TRIM71: variants seen among roughly 807,000 people sequenced by gnomAD.
TRIM71 encodes the protein E3 ubiquitin-protein ligase TRIM71.
TRIM71 carries 9 observed loss-of-function variants against 61.2 expected under a neutral mutation model. The ratio of observed to expected loss-of-function variants is 0.15; its 90% CI spans 0.09 to 0.26. The LOEUF (loss-of-function observed/expected upper bound fraction) is 0.26, where lower values mean the gene tolerates loss of function less well. TRIM71 is among the 10% of genes least tolerant of loss of function. The probability of loss-of-function intolerance (pLI) is 1.00; values close to 1 mark genes in which losing one functional copy is unlikely to be tolerated. For missense variants in TRIM71, 998 were observed against 1,238.7 expected (o/e 0.81, Z 2.92); for synonymous variants, 645 against 553.2 (o/e 1.17, Z -2.33).
intron 1 of TRIM71, among the ~76,000 whole-genome samples, chr3:32,825,529 C>A (rs1575340070): frequency 6.6e-6 from 1 of 152,244 alleles, no homozygotes; most frequent in African/African-American, 2.4e-5. Flanking sequence ...AGGACCATTT[C>A]AGTGTCATTT....
At position 32,890,120 on chromosome 3, in the gene TRIM71, A is replaced by T. The variant is rs1395318939; in HGVS notation, c.1156-240A>T. Among the ~76,000 whole-genome samples the T allele has an allele frequency of 6.6e-6, 1 of 152,174 alleles. No individual in the cohort carries two copies. Among genetic ancestry groups the T allele is most frequent in the Non-Finnish European group, 1.5e-5 (1 of 68,040 alleles). On this transcript the variant is annotated intron_variant, in intron 3 of 3. Transcript: ENST00000383763. This position sits in a 1 kb window ranked among gnomAD's most constrained non-coding sequence, Gnocchi z 6.2. ...TAGCCACTCCCTCCAGTCCAGAGTC[A>T]CTAATTACATATAGTTGTCCTGTTT... is the stretch of plus-strand genomic sequence containing the variant.
chr3:32,824,186 T>C (rs780218560), intron 1 of TRIM71, among the ~76,000 whole-genome samples: 1 of 152,130 alleles, frequency 6.6e-6, no homozygotes, highest in Non-Finnish European at 1.5e-5. Flanking sequence ...AGTCCTTTTG[T>C]TTTTTTCTGA....
chr3:32,882,802 A>T (rs937799114), intron 2 of TRIM71, among the ~76,000 whole-genome samples: 1 of 152,104 alleles, frequency 6.6e-6, no homozygotes, highest in African/African-American at 2.4e-5. Context: ...TCTGCCTCCC[A>T]GAGTGCTGGG....
In TRIM71 at chr3:32,891,796, A is replaced by T. The variant is rs776391370; in HGVS notation, c.2592A>T (p.Arg864=). The change falls in exon 4 of 4, where the codon CGA becomes CGT. Residue 864 remains arginine, a synonymous_variant. Coordinates refer to ENST00000383763, the MANE Select transcript of TRIM71 (RefSeq NM_001039111.3). This position sits in a 1 kb window ranked among gnomAD's most constrained non-coding sequence, Gnocchi z 8.2. ...TTGTGGTGGACTTTGGCAACAATCG[A>T]ATCCTCGTCTTCTAATTGCATTTCC... ...MIVVVDFGNN[R]ILVF 6.2e-7 allele frequency: 1 copy of T among 1,613,600 alleles called. No homozygotes were observed. Among genetic ancestry groups the T allele is most frequent in the Admixed American group, 1.7e-5 (1 of 59,998 alleles).
chr3:32,868,754 A>G (rs188684095), intron 1 of TRIM71, among the ~76,000 whole-genome samples: 1 of 150,430 alleles, frequency 6.6e-6, no homozygotes, highest in African/African-American at 2.5e-5. Flanking sequence ...CTTGTTACCT[A>G]GCCAAATAAA....
At chr3:32,888,440 A>C (rs1173892682) in intron 3 of TRIM71, among the ~76,000 whole-genome samples, 1 of 982 alleles carries the variant, frequency 1.0e-3, no homozygotes, top group African/African-American at 1.6e-3. Context: ...CTACCAAAAA[A>C]AAAAAAAAAA....
chr3:32,824,658 A>G (rs1435586836), intron 1 of TRIM71, among the ~76,000 whole-genome samples: 1 of 151,934 alleles, frequency 6.6e-6, no homozygotes, highest in Non-Finnish European at 1.5e-5. Context: ...TAATTTTTGT[A>G]ATTTTTGTGG....
intron 1 of TRIM71, among the ~76,000 whole-genome samples, chr3:32,865,021 C>T (rs1429089386): frequency 6.6e-6 from 1 of 152,052 alleles, no homozygotes; most frequent in Non-Finnish European, 1.5e-5. Context: ...GAGGATTGCT[C>T]CTGCCCTGTA....
At chr3:32,839,985 A>G (rs2125678741) in intron 1 of TRIM71, among the ~76,000 whole-genome samples, 1 of 152,368 alleles carries the variant, frequency 6.6e-6, no homozygotes, top group East Asian at 1.9e-4. Context: ...TAATGTTTAC[A>G]GAGTTAATTC....
rs765871281 is a variant in TRIM71, at chr3:32,891,433, C to T, written c.2229C>T (p.Leu743=). Residue 743 remains leucine (L), a synonymous_variant, in exon 4 of 4, where the codon CTC becomes CTT. Coordinates refer to ENST00000383763, the MANE Select transcript of TRIM71 (RefSeq NM_001039111.3). The surrounding 1 kb of genome is among the most constrained non-coding windows in gnomAD (Gnocchi z 8.2). ...FLNKYGFEGA[L]WKHFDSPRGV... ...ACAAGTATGGCTTCGAGGGGGCTCT[C>T]TGGAAGCACTTTGACTCCCCACGGG... is the stretch of plus-strand genomic sequence containing the variant. 1.9e-6 allele frequency: 3 copies of T among 1,614,008 alleles called. No individual in the cohort carries two copies. In the South Asian group the frequency reaches 3.3e-5, roughly 18 times the overall value.
At chr3:32,847,427 T>A (rs1696488276) in intron 1 of TRIM71, among the ~76,000 whole-genome samples, 1 of 152,094 alleles carries the variant, frequency 6.6e-6, no homozygotes, top group African/African-American at 2.4e-5. Context: ...ACTCCCGACT[T>A]CAGGTGATCC....
intron 1 of TRIM71, among the ~76,000 whole-genome samples, chr3:32,852,232 C>CGCCG (rs370464847): frequency 1.3e-4 from 20 of 152,018 alleles, no homozygotes; most frequent in African/African-American, 4.8e-4. Context: ...TAAACTGGAG[C>CGCCG]GCCGGAGGCA....
Position 32,859,411 on chromosome 3 carries a change from C to G in TRIM71, c.853-14407C>G, listed in dbSNP as rs551901991. ...AGAAGCTGGGATTACAGGCACACAT[C>G]AACATGCCTGGCTAATTGTGTTTTT... On this transcript the variant is annotated intron_variant, in intron 1 of 3. Coordinates refer to ENST00000383763, the MANE Select transcript of TRIM71 (RefSeq NM_001039111.3). Among the ~76,000 whole-genome samples, 28 of 152,178 alleles carry G rather than the reference C, an allele frequency of 1.8e-4. 1 individual carries two copies. The East Asian group carries it at 5.0e-3, about 27-fold the overall frequency.
At chr3:32,843,663 T>C (rs1696436712) in intron 1 of TRIM71, among the ~76,000 whole-genome samples, 1 of 152,202 alleles carries the variant, frequency 6.6e-6, no homozygotes, top group Admixed American at 6.5e-5. Flanking sequence ...GAAGCAGGCT[T>C]AATGCCCGCC....
chr3:32,867,804 T>C (rs1428469294), intron 1 of TRIM71, among the ~76,000 whole-genome samples: 5 of 152,210 alleles, frequency 3.3e-5, no homozygotes, highest in Non-Finnish European at 7.3e-5. Flanking sequence ...CACATCAGTT[T>C]TGCTGCCAAA....
At chr3:32,867,943 A>G (rs1332309871) in intron 1 of TRIM71, among the ~76,000 whole-genome samples, 1 of 151,386 alleles carries the variant, frequency 6.6e-6, no homozygotes, top group Non-Finnish European at 1.5e-5. Context: ...AATTCCTAAC[A>G]CCCCTTTTTT....
At chr3:32,839,118 C>A (rs1426969568) in intron 1 of TRIM71, among the ~76,000 whole-genome samples, 1 of 152,118 alleles carries the variant, frequency 6.6e-6, no homozygotes, top group East Asian at 1.9e-4. Context: ...TCTAAACTTA[C>A]AAGGACATTT....
chr3:32,829,995 T>C (rs1209787819), intron 1 of TRIM71, among the ~76,000 whole-genome samples: 1 of 150,278 alleles, frequency 6.7e-6, no homozygotes, highest in Non-Finnish European at 1.5e-5. Context: ...GTTGGCATTA[T>C]CTTGGCTCAC....
At chr3:32,846,072 CTTTTT>C (rs35520432) in intron 1 of TRIM71, among the ~76,000 whole-genome samples, 19 of 92,726 alleles carry the variant, frequency 2.0e-4, no homozygotes, top group South Asian at 7.5e-4. Flanking sequence ...TGGTAAGCCA[CTTTTT>C]TTTTTTTTTT....
Sources: allele counts gnomAD v4.1 joint callset (sites outside exome capture counted in the v4.1 genomes callset), GRCh38; gene constraint gnomAD v4.1.1; non-coding constraint Gnocchi (gnomAD v3.1); transcripts MANE v1.5; gene names NCBI Gene and HGNC (gene_info 2026-07-23, HGNC 2026-07-21).